Variants in ATP9A observed in about 807,000 individuals in gnomAD.
The protein encoded by ATP9A is ATPase phospholipid transporting 9A, also known as probable phospholipid-transporting ATPase IIA.
ATP9A carries 52 observed loss-of-function variants against 144.1 expected under a neutral mutation model. The observed-to-expected ratio is 0.36, with a 90% CI of 0.29 to 0.45. The LOEUF is 0.45. Ranked by LOEUF, ATP9A falls within the 20% of genes least tolerant of loss-of-function variation. The pLI, the probability that ATP9A is intolerant of heterozygous loss-of-function variation, is 1.00. For synonymous variants in ATP9A, 582 were observed against 557.4 expected, an observed-to-expected ratio of 1.04 and a Z score of -0.62; for missense variants, 947 against 1,392.7, an observed-to-expected ratio of 0.68 and a Z score of 5.09.
chr20:51,695,150 A>C (rs1258606519), intron 6 of ATP9A, among the ~76,000 whole-genome samples: 1 of 152,156 alleles, frequency 6.6e-6, no homozygotes, highest in Non-Finnish European at 1.5e-5. Context: ...TAAGGGAAAA[A>C]CAGCCTTATT....
chr20:51,596,734 C>T lies in ATP9A; in HGVS notation c.*4477G>A, dbSNP rs1282501501. On this transcript the variant is annotated 3_prime_UTR_variant, in exon 28 of 28. Coordinates refer to ENST00000338821, the MANE Select transcript of ATP9A (RefSeq NM_006045.3). ...TAATAAAAAGTCCTCATTTTGATAC[C>T]AGAATTCATGTTTCTGTACAAATTA... 1 of 151,954 alleles carries T rather than the reference C, an allele frequency of 6.6e-6. No individual in the cohort carries two copies. The allele number at this position is 151,954 out of a possible 1,614,324, so 9.4% of individuals were successfully genotyped here.
At chr20:51,673,742 C>T (rs768001166) in intron 11 of ATP9A, among the ~76,000 whole-genome samples, 8 of 152,100 alleles carry the variant, frequency 5.3e-5, no homozygotes, top group Admixed American at 2.6e-4. Flanking sequence ...CCTCACTCTA[C>T]AAAGAGATCT....
At chr20:51,624,822 A>C (rs1406832106) in intron 18 of ATP9A, among the ~76,000 whole-genome samples, 6 of 152,100 alleles carry the variant, frequency 3.9e-5, no homozygotes, top group Non-Finnish European at 7.4e-5. Flanking sequence ...CCTGGCCAAC[A>C]TGGTGAAACC....
rs188773857 is a variant in ATP9A, at chr20:51,657,880, C to T, written c.1294-730G>A. Among the ~76,000 whole-genome samples the T allele has an allele frequency of 3.9e-5, 6 of 152,328 alleles. No individual in the cohort carries two copies. In the East Asian group the frequency reaches 1.2e-3, roughly 29 times the overall value. On this transcript the variant is annotated intron_variant, in intron 13 of 27. Transcript: ENST00000338821. ...GCTAGACTTTCGGGTGTAATGGTAA[C>T]TGTGCTCAAGTTTTGCCTTGCAGGC...
intron 10 of ATP9A, among the ~76,000 whole-genome samples, chr20:51,674,595 C>A (rs2077469521): frequency 6.6e-6 from 1 of 152,158 alleles, no homozygotes; most frequent in African/African-American, 2.4e-5. Context: ...ATGTTTACAA[C>A]TAAAGAAGAT....
At chr20:51,765,053 C>T (rs2077897695) in intron 1 of ATP9A, among the ~76,000 whole-genome samples, 1 of 152,112 alleles carries the variant, frequency 6.6e-6, no homozygotes, top group African/African-American at 2.4e-5. Context: ...CAAAAACTCA[C>T]ATGGTTGTTG....
intron 8 of ATP9A, among the ~76,000 whole-genome samples, 184 bp from the exon 9 acceptor site, chr20:51,689,323 G>A (rs2077537133): frequency 6.6e-6 from 1 of 152,134 alleles, no homozygotes; most frequent in East Asian, 1.9e-4. Context: ...CTGCCCTTGG[G>A]GTTTTCATCT....
intron 11 of ATP9A, among the ~76,000 whole-genome samples, chr20:51,673,619 G>A (rs1303058320): frequency 2.6e-5 from 4 of 152,138 alleles, no homozygotes; most frequent in Admixed American, 1.3e-4. Flanking sequence ...CTAGCATAGG[G>A]AGGCAAGGCA....
At chr20:51,682,175 A>T (rs776647176) in intron 9 of ATP9A, among the ~76,000 whole-genome samples, 16 of 152,100 alleles carry the variant, frequency 1.1e-4, no homozygotes, top group Non-Finnish European at 2.2e-4. Flanking sequence ...TATCATCTGT[A>T]CACTAAACCC....
Position 51,651,153 on chromosome 20 carries a change from C to CAT in ATP9A, c.1506+5783_1506+5784dup, listed in dbSNP as rs1433056143. Among the ~76,000 whole-genome samples, 29 of 58,360 alleles carry CAT rather than the reference C, an allele frequency of 5.0e-4. 2 individuals are homozygous for CAT. Among genetic ancestry groups the CAT allele is most frequent in the East Asian group, 1.9e-3 (1 of 522 alleles). 38.3% of individuals were successfully genotyped at this position (58,360 alleles called of 152,430 possible). On this transcript the variant is annotated intron_variant, in intron 14 of 27. Coordinates refer to ENST00000338821, the MANE Select transcript of ATP9A (RefSeq NM_006045.3). ...TGTACTGGTCCTCTCTCTCTCTCTCCATATATATATATACACACACACACA... is the reference window on the plus strand; with the variant it reads ...TGTACTGGTCCTCTCTCTCTCTCTCCATATATATATATATACACACACACACA...
intron 3 of ATP9A, among the ~76,000 whole-genome samples, chr20:51,714,796 T>C (rs2077655200): frequency 6.6e-6 from 1 of 152,260 alleles, no homozygotes; most frequent in African/African-American, 2.4e-5. Flanking sequence ...TTTAAGTTTT[T>C]ATAAGGAAAC....
intron 11 of ATP9A, among the ~76,000 whole-genome samples, chr20:51,673,769 G>A (rs776234454): frequency 2.0e-5 from 3 of 152,132 alleles, no homozygotes; most frequent in Admixed American, 6.6e-5. Context: ...TCTAAAAGCC[G>A]ATGGGCGCGG....
Position 51,607,537 on chromosome 20 carries a change from G to A in ATP9A, c.2793C>T (p.Ser931=), listed in dbSNP as rs1312844206. The A allele has an allele frequency of 6.2e-7, 1 of 1,612,398 alleles. No individual in the cohort carries two copies. The highest frequency in any genetic ancestry group is 1.3e-5 in the African/African-American group (1 of 75,008). The change falls in exon 26 of 28, where the codon AGC becomes AGT. Residue 931 remains serine (S), a synonymous_variant. Transcript: ENST00000338821. ...TCCACTCATCCTTACCTTGATAGAT[G>A]CTAATCAAAACCCATATTAAGAATG... ...YKTFLIWVLI[S]IYQGSTIMYG... is the part of the protein sequence containing the mutation.
chr20:51,716,948 C>A (rs867320479), intron 3 of ATP9A, among the ~76,000 whole-genome samples: 2 of 151,994 alleles, frequency 1.3e-5, no homozygotes. Context: ...CCGAGGTGGG[C>A]GGATCACCTG....
chr20:51,606,456 T>A (rs1048225874), intron 26 of ATP9A, among the ~76,000 whole-genome samples: 1 of 152,042 alleles, frequency 6.6e-6, no homozygotes, highest in Non-Finnish European at 1.5e-5. Flanking sequence ...CAACACTTTG[T>A]GAGGCTGAGG....
intron 11 of ATP9A, among the ~76,000 whole-genome samples, chr20:51,672,660 C>A (rs2077460868): frequency 6.6e-6 from 1 of 151,854 alleles, no homozygotes; most frequent in Non-Finnish European, 1.5e-5. Context: ...AATAGCAAGA[C>A]AAAATATAAG....
At chr20:51,696,187 G>C (rs779764578) in intron 5 of ATP9A, 43 bp from the exon 6 acceptor site, 1 of 1,598,982 alleles carries the variant, frequency 6.3e-7, no homozygotes, top group Non-Finnish European at 8.6e-7. Flanking sequence ...ATGAATGACC[G>C]TGTGCTGTGC....
chr20:51,664,307 C>T (rs1188049157), intron 13 of ATP9A, among the ~76,000 whole-genome samples: 1 of 152,122 alleles, frequency 6.6e-6, no homozygotes, highest in African/African-American at 2.4e-5. Flanking sequence ...AAAAACAGGG[C>T]TGGCTGCAGT....
chr20:51,667,446 A>G (rs945043346), intron 13 of ATP9A, among the ~76,000 whole-genome samples: 1 of 152,184 alleles, frequency 6.6e-6, no homozygotes, highest in Non-Finnish European at 1.5e-5. Context: ...TGACAATCCA[A>G]TCAATGAGCC....
Sources: gnomAD v4.1 joint callset for allele counts (sites outside exome capture counted in the v4.1 genomes callset) on GRCh38, gnomAD v4.1.1 for gene constraint, MANE v1.5 for transcripts, NCBI Gene and HGNC (gene_info 2026-07-23, HGNC 2026-07-21) for gene names.